The following MRPL21 variants were observed in gnomAD, a reference collection of about 807,000 sequenced individuals.
MRPL21 encodes large ribosomal subunit protein bL21m.
In MRPL21, 20 loss-of-function variants were observed where a neutral mutation model predicts 27.3. The observed-to-expected ratio is 0.73, with a 90% CI of 0.52 to 1.06. The LOEUF (loss-of-function observed/expected upper bound fraction) is 1.06, where lower values mean the gene tolerates loss of function less well. MRPL21 is among the 50% of genes least tolerant of loss of function. The pLI, the probability that MRPL21 is intolerant of heterozygous loss-of-function variation, is 0.00. For missense variants in MRPL21, 249 were observed against 251.4 expected (o/e 0.99, Z 0.06); for synonymous variants, 98 against 101.5 (o/e 0.97, Z 0.21).
intron 4 of MRPL21, among the ~76,000 whole-genome samples, chr11:68,894,117 G>C (rs1223049678): frequency 6.6e-6 from 1 of 152,146 alleles, no homozygotes; most frequent in Non-Finnish European, 1.5e-5. Context: ...TGTGTCTCTT[G>C]GCGCAGTTTA....
intron 3 of MRPL21, 131 bp from the exon 4 acceptor site, chr11:68,896,809 C>T (rs1186852123): frequency 2.5e-6 from 3 of 1,221,996 alleles, no homozygotes; most frequent in Non-Finnish European, 3.5e-6. Context: ...GAGCACCTCA[C>T]TGCTGGCGGC....
At chr11:68,891,987 G>T in intron 6 of MRPL21, 2 of 905,028 alleles carry the variant, frequency 2.2e-6, no homozygotes, top group Non-Finnish European at 3.0e-6. Context: ...ACCTGCTTGC[G>T]GATTCACTGC....
intron 3 of MRPL21, 49 bp from the exon 4 acceptor site, chr11:68,896,727 ACG>A (rs1206983459): frequency 6.2e-7 from 1 of 1,607,716 alleles, no homozygotes; most frequent in African/African-American, 1.3e-5. Flanking sequence ...CTGCTCCCCC[ACG>A]CGCTGCAGTG....
chr11:68,893,502 G>A (rs1215704489), intron 4 of MRPL21, 47 bp from the exon 5 acceptor site: 5 of 1,612,104 alleles, frequency 3.1e-6, no homozygotes, highest in South Asian at 2.2e-5. Flanking sequence ...ATTACGATGA[G>A]TAAGAACAGT....
chr11:68,903,791 G>A lies in MRPL21; in HGVS notation c.20C>T (p.Thr7Met), dbSNP rs553560241. The change falls in exon 1 of 7, where the codon ACG (threonine) becomes ATG (methionine). Residue 7 changes from threonine (T) to methionine (M), a missense_variant. Thr to Met is a moderately conservative substitution (Grantham distance 81, BLOSUM62 -1). Transcript: ENST00000362034. Reference sequence around the variant, plus strand: ...GGACGCCAGCCGCCCTAAGGTGACCGTCAGGGAAGATGCTGCCATGGCCGC... The same window carrying A: ...GGACGCCAGCCGCCCTAAGGTGACCATCAGGGAAGATGCTGCCATGGCCGC... MAASSL[T>M]VTLGRLASAC... 10 of 1,570,256 alleles carry A rather than the reference G, an allele frequency of 6.4e-6. No individual in the cohort carries two copies. The highest frequency in any genetic ancestry group is 1.1e-5 in the South Asian group (1 of 88,716).
At chr11:68,899,752 A>G (rs963279540) in intron 2 of MRPL21, among the ~76,000 whole-genome samples, 6 of 152,192 alleles carry the variant, frequency 3.9e-5, no homozygotes, top group Non-Finnish European at 7.3e-5. Flanking sequence ...CGCTTCTTTG[A>G]GAAGCAAGAA....
intron 1 of MRPL21, 41 bp from the exon 2 acceptor site, chr11:68,900,646 T>C: frequency 5.2e-6 from 8 of 1,549,558 alleles, no homozygotes; most frequent in Non-Finnish European, 7.1e-6. Context: ...CCATTAATAC[T>C]ACAAATGCAA....
At position 68,893,499 on chromosome 11, in the gene MRPL21, T is replaced by C. The variant is rs761711000; in HGVS notation, c.397-44A>G. On this transcript the variant is annotated intron_variant, in intron 4 of 6. Coordinates refer to ENST00000362034, the MANE Select transcript of MRPL21 (RefSeq NM_181514.2). ...GTGTTTCATCAGTGGCTCATTACGA[T>C]GAGTAAGAACAGTTGCTAATAACAG... The C allele has an allele frequency of 1.2e-5, 20 of 1,613,764 alleles. No homozygotes were observed. In the East Asian group the frequency reaches 4.5e-4, roughly 36 times the overall value.
At chr11:68,897,798 C>T (rs530229541) in intron 3 of MRPL21, 129 bp downstream of exon 3, 3 of 680,014 alleles carry the variant, frequency 4.4e-6, no homozygotes, top group African/African-American at 3.6e-5. Context: ...TGAGTGCTGG[C>T]ACTGTGCTGT....
intron 1 of MRPL21, among the ~76,000 whole-genome samples, chr11:68,902,774 C>T (rs1857992151): frequency 6.6e-6 from 1 of 152,144 alleles, no homozygotes; most frequent in African/African-American, 2.4e-5. Flanking sequence ...TTTCACTGCC[C>T]TAAAAATCCT....
chr11:68,900,541 A>G lies in MRPL21; in HGVS notation c.146+7T>C, dbSNP rs759738566. ...AAGAGGCACCAAAACCCACATTTTGATATTACCCTGGTAGATATGAAGTGC... is the reference window on the plus strand; with the variant it reads ...AAGAGGCACCAAAACCCACATTTTGGTATTACCCTGGTAGATATGAAGTGC... On this transcript the variant is annotated splice_region_variant and intron_variant, in intron 2 of 6. Coordinates refer to ENST00000362034, the MANE Select transcript of MRPL21 (RefSeq NM_181514.2). The G allele has an allele frequency of 1.5e-5, 24 of 1,612,848 alleles. No homozygotes were observed. The highest frequency in any genetic ancestry group is 2.0e-5 in the Non-Finnish European group (23 of 1,179,006).
At chr11:68,893,525 G>T (rs1443650297) in intron 4 of MRPL21, 70 bp from the exon 5 acceptor site, 2 of 1,584,582 alleles carry the variant, frequency 1.3e-6, no homozygotes, top group African/African-American at 1.3e-5. Flanking sequence ...CTAATAACAG[G>T]TAGTGATGTC....
chr11:68,903,652 C>T, intron 1 of MRPL21, 71 bp downstream of exon 1: 1 of 1,516,390 alleles, frequency 6.6e-7, no homozygotes, highest in Non-Finnish European at 9.1e-7. Context: ...GACCCAGGCA[C>T]ATACGTGGCG....
At chr11:68,898,484 C>T (rs1396106656) in intron 2 of MRPL21, among the ~76,000 whole-genome samples, 2 of 152,236 alleles carry the variant, frequency 1.3e-5, no homozygotes, top group Non-Finnish European at 2.9e-5. Context: ...CCATGACGTT[C>T]CCTGCTCCAC....
chr11:68,891,978 C>A, intron 6 of MRPL21: 1 of 858,352 alleles, frequency 1.2e-6, no homozygotes, highest in Non-Finnish European at 1.6e-6. Context: ...CAGCCCTACA[C>A]CTGCTTGCGG....
At chr11:68,891,470 C>T (rs1490226347) in intron 6 of MRPL21, 75 bp from the exon 7 acceptor site, 1 of 1,438,876 alleles carries the variant, frequency 6.9e-7, no homozygotes, top group Non-Finnish European at 9.8e-7. Context: ...GCTCTGCACA[C>T]AGCCCTCCCC....
intron 5 of MRPL21, 151 bp from the exon 6 acceptor site, chr11:68,893,144 A>G (rs1021575055): frequency 2.3e-6 from 3 of 1,319,092 alleles, no homozygotes; most frequent in Non-Finnish European, 3.0e-6. Flanking sequence ...ACCACGAAAA[A>G]GGACCACAAA....
chr11:68,891,394 G>A lies in MRPL21; in HGVS notation c.555C>T (p.Ile185=), dbSNP rs1857643916. The part of the protein sequence containing the change: ...RKRKNFKKKR[I]VTTPQTVLRI... ...GGAGGACAGTCTGCGGGGTCGTGAC[G>A]ACTGAAAGAAAGGATGTCACAGGCT... The change falls in exon 7 of 7, where the codon ATC becomes ATT. Residue 185 remains isoleucine, a splice_region_variant and synonymous_variant. Coordinates refer to ENST00000362034, the MANE Select transcript of MRPL21 (RefSeq NM_181514.2). 3.7e-6 allele frequency: 6 copies of A among 1,613,914 alleles called. No individual in the cohort carries two copies. The highest frequency in any genetic ancestry group is 5.1e-6 in the Non-Finnish European group (6 of 1,179,938).
At chr11:68,900,470 G>T in intron 2 of MRPL21, 78 bp downstream of exon 2, 1 of 1,266,624 alleles carries the variant, frequency 7.9e-7, no homozygotes, top group South Asian at 1.2e-5. Flanking sequence ...GAACCAAAAG[G>T]TAGGAAGTTT....
Sources: gnomAD v4.1 joint callset for allele counts (sites outside exome capture counted in the v4.1 genomes callset) on GRCh38, gnomAD v4.1.1 for gene constraint, MANE v1.5 for transcripts, NCBI Gene and HGNC (gene_info 2026-07-23, HGNC 2026-07-21) for gene names.